FANCC: variants seen among roughly 807,000 people sequenced by gnomAD.
FANCC encodes FA complementation group C.
Under a neutral mutation model 71.3 loss-of-function variants are expected in FANCC, and 55 were observed. The ratio of observed to expected loss-of-function variants is 0.77; its 90% confidence interval spans 0.62 to 0.97. FANCC has a LOEUF of 0.97. FANCC is among the 50% of genes least tolerant of loss of function. FANCC has a pLI of 0.00. For synonymous variants in FANCC, 275 were observed against 244.9 expected, an observed-to-expected ratio of 1.12 and a Z score of -1.15; for missense variants, 678 against 670.9, an observed-to-expected ratio of 1.01 and a Z score of -0.12.
chr9:95,274,931 A>G (rs984781992), intron 1 of FANCC, among the ~76,000 whole-genome samples: 6 of 152,126 alleles, frequency 3.9e-5, no homozygotes, highest in Non-Finnish European at 8.8e-5. Flanking sequence ...CAAGTTCAGC[A>G]CAGGACTGGA....
At chr9:95,199,777 A>C (rs1588269623) in intron 4 of FANCC, among the ~76,000 whole-genome samples, 2 of 152,344 alleles carry the variant, frequency 1.3e-5, no homozygotes, top group East Asian at 3.9e-4. Context: ...TCGCCTTGGT[A>C]CAATGGCTCT....
At chr9:95,298,287 T>G (rs1211888923) in intron 1 of FANCC, among the ~76,000 whole-genome samples, 1 of 152,130 alleles carries the variant, frequency 6.6e-6, no homozygotes, top group African/African-American at 2.4e-5. Flanking sequence ...GAACTAGATG[T>G]GTTATGCCAC....
chr9:95,266,024 G>A (rs1588386055), intron 1 of FANCC, among the ~76,000 whole-genome samples: 3 of 152,200 alleles, frequency 2.0e-5, no homozygotes, highest in African/African-American at 7.2e-5. Flanking sequence ...GAGCTAAGCA[G>A]GTCAGGAAGC....
rs144233357 is a variant in FANCC at position 95,313,113 on chromosome 9, G to C, written c.-79+4413C>G. 2.0e-5 allele frequency among the ~76,000 whole-genome samples: 3 copies of C among 152,338 alleles called. No individual in the cohort carries two copies. The South Asian group carries it at 6.2e-4, about 32-fold the overall frequency. On this transcript the variant is annotated intron_variant, in intron 1 of 14. Transcript: ENST00000289081. ...ACACACCACAGAAGCCGGCGCTGCA[G>C]AAGCACATATGCCAAGGACCTAGCG...
intron 4 of FANCC, among the ~76,000 whole-genome samples, chr9:95,185,088 C>T (rs1826630289): frequency 6.6e-6 from 1 of 152,154 alleles, no homozygotes; most frequent in Non-Finnish European, 1.5e-5. Flanking sequence ...ACAGTGCATA[C>T]CCATTGGCTG....
chr9:95,116,853 C>T (rs1197385432), intron 11 of FANCC, among the ~76,000 whole-genome samples: 1 of 152,214 alleles, frequency 6.6e-6, no homozygotes, highest in Non-Finnish European at 1.5e-5. Context: ...AAATCCTTCC[C>T]TTAGCTTGGT....
chr9:95,248,656 A>C (rs1831144914), intron 2 of FANCC, among the ~76,000 whole-genome samples: 1 of 151,902 alleles, frequency 6.6e-6, no homozygotes, highest in Admixed American at 6.6e-5. Flanking sequence ...AAAATATATT[A>C]AATTTTGAAA....
At chr9:95,108,970 A>G (rs1234697773) in intron 13 of FANCC, among the ~76,000 whole-genome samples, 1 of 151,684 alleles carries the variant, frequency 6.6e-6, no homozygotes, top group African/African-American at 2.4e-5. Flanking sequence ...CAGTGGTGCA[A>G]TCTCTACTCA....
In FANCC at chr9:95,109,534, T is replaced by G. The variant is rs561000986; in HGVS notation, c.1329+1929A>C. ...ACGACTTTTTTTTATTTTGTTGTGA[T>G]CTGATTCAGTTGTTGGCAAAAGGAG... On this transcript the variant is annotated intron_variant, in intron 13 of 14. Transcript: ENST00000289081. The G allele has an allele frequency of 3.3e-5, 5 of 152,280 alleles. 1 individual carries two copies. Among genetic ancestry groups the G allele is most frequent in the African/African-American group, 1.2e-4 (5 of 41,556 alleles). 9.4% of individuals were successfully genotyped at this position (152,280 alleles called of 1,614,324 possible). A position where few individuals can be genotyped will look rare whatever the true frequency, so the allele number is the denominator to read the frequency against.
chr9:95,290,038 TCATC>T (rs1398354244), intron 1 of FANCC, among the ~76,000 whole-genome samples: 1 of 152,206 alleles, frequency 6.6e-6, no homozygotes, highest in Non-Finnish European at 1.5e-5. Flanking sequence ...GGTCTTCATG[TCATC>T]CAACCTTGCA....
intron 6 of FANCC, among the ~76,000 whole-genome samples, chr9:95,165,038 T>C (rs950294743): frequency 4.6e-5 from 7 of 152,012 alleles, no homozygotes; most frequent in African/African-American, 1.7e-4. Flanking sequence ...TAGACATTTA[T>C]TTATTCTAGG....
At chr9:95,124,217 C>T (rs1825609634) in intron 10 of FANCC, among the ~76,000 whole-genome samples, 1 of 151,502 alleles carries the variant, frequency 6.6e-6, no homozygotes, top group Non-Finnish European at 1.5e-5. Flanking sequence ...GTTCTCCTCT[C>T]GGAAGTCAAA....
intron 1 of FANCC, among the ~76,000 whole-genome samples, chr9:95,309,287 A>C (rs560106164): frequency 2.6e-5 from 4 of 152,202 alleles, no homozygotes; most frequent in Non-Finnish European, 5.9e-5. Flanking sequence ...ACTGCAGAAA[A>C]TACTACTTCA....
intron 1 of FANCC, among the ~76,000 whole-genome samples, chr9:95,251,420 A>G (rs1564797002): frequency 6.6e-6 from 1 of 151,776 alleles, no homozygotes; most frequent in African/African-American, 2.4e-5. Flanking sequence ...GGTTCAAGCG[A>G]CTCTCCTGCC....
At chr9:95,138,127 C>G (rs1464680568) in intron 7 of FANCC, among the ~76,000 whole-genome samples, 1 of 152,242 alleles carries the variant, frequency 6.6e-6, no homozygotes, top group Non-Finnish European at 1.5e-5. Context: ...AAAACAGGTA[C>G]AAAATTATCC....
chr9:95,240,672 A>G lies in FANCC; in HGVS notation c.322T>C (p.Ser108Pro). The G allele has an allele frequency of 6.2e-7, 1 of 1,612,674 alleles. No homozygotes were observed. Among genetic ancestry groups the G allele is most frequent in the South Asian group, 1.1e-5 (1 of 91,010 alleles). Residue 108 changes from serine to proline, a missense_variant, in exon 4 of 15, where the codon TCA (serine) becomes CCA (proline). Ser to Pro is a moderately conservative substitution (Grantham distance 74). Transcript: ENST00000289081. Reference sequence around the variant, plus strand: ...ACCTGTATCCAGGAGTTAAGTTTTGATTGTCCAGAATTCTGTGGTTCTTTG... The same window carrying G: ...ACCTGTATCCAGGAGTTAAGTTTTGGTTGTCCAGAATTCTGTGGTTCTTTG... Reference protein sequence around the residue: ...INKEPQNSGQSKLNSWIQGVL... With the variant: ...INKEPQNSGQPKLNSWIQGVL...
intron 4 of FANCC, among the ~76,000 whole-genome samples, chr9:95,184,185 T>C (rs138169046): frequency 6.6e-6 from 1 of 152,284 alleles, no homozygotes; most frequent in African/African-American, 2.4e-5. Flanking sequence ...TTTACATAAT[T>C]ATGGCATTAT....
At chr9:95,191,994 A>AT (rs1231078229) in intron 4 of FANCC, among the ~76,000 whole-genome samples, 1 of 152,156 alleles carries the variant, frequency 6.6e-6, no homozygotes. Context: ...ATGTTAGGAC[A>AT]TATCTCTCTT....
intron 1 of FANCC, among the ~76,000 whole-genome samples, chr9:95,276,318 G>A (rs997972940): frequency 1.3e-5 from 2 of 152,154 alleles, no homozygotes; most frequent in African/African-American, 4.8e-5. Context: ...TTAGTCTGCA[G>A]AATATCCTAA....
Sources: allele counts gnomAD v4.1 joint callset (sites outside exome capture counted in the v4.1 genomes callset), GRCh38; gene constraint gnomAD v4.1.1; transcripts MANE v1.5; gene names NCBI Gene and HGNC (gene_info 2026-07-23, HGNC 2026-07-21).